SLX4IP: variants seen among roughly 807,000 people sequenced by gnomAD.
SLX4IP encodes protein SLX4IP.
SLX4IP carries 34 observed loss-of-function variants against 32.9 expected under a neutral mutation model. The ratio of observed to expected loss-of-function variants is 1.03; its 90% CI spans 0.79 to 1.38. SLX4IP has a LOEUF of 1.38. Ranked by LOEUF, SLX4IP falls within the 40% of genes most tolerant of loss-of-function variation. The pLI is 0.00. For missense variants in SLX4IP, 444 were observed against 479.0 expected, an observed-to-expected ratio of 0.93 and a Z score of 0.68; for synonymous variants, 172 against 171.7, an observed-to-expected ratio of 1.00 and a Z score of -0.01.
intron 1 of SLX4IP, among the ~76,000 whole-genome samples, chr20:10,444,979 A>G (rs2065189618): frequency 6.6e-6 from 1 of 152,176 alleles, no homozygotes; most frequent in African/African-American, 2.4e-5. Flanking sequence ...TCCATCCCAG[A>G]TAACAGGCTG....
intron 2 of SLX4IP, among the ~76,000 whole-genome samples, chr20:10,541,313 C>T (rs559356679): frequency 6.6e-6 from 1 of 152,286 alleles, no homozygotes; most frequent in Admixed American, 6.5e-5. Context: ...TTCTGGAATT[C>T]CCTGCAGGAT....
At chr20:10,488,903 C>T (rs1341550538) in intron 2 of SLX4IP, among the ~76,000 whole-genome samples, 1 of 152,138 alleles carries the variant, frequency 6.6e-6, no homozygotes, top group African/African-American at 2.4e-5. Context: ...CTAGTCTGTA[C>T]ATGATTATAA....
At chr20:10,613,719 A>G (rs977399710) in intron 6 of SLX4IP, 15 of 1,613,178 alleles carry the variant, frequency 9.3e-6, no homozygotes, top group African/African-American at 1.3e-5. Flanking sequence ...TCCGGCGTCA[A>G]TAGCTTGCTG....
intron 1 of SLX4IP, among the ~76,000 whole-genome samples, chr20:10,437,852 C>G (rs1029783755): frequency 6.6e-6 from 1 of 152,170 alleles, no homozygotes; most frequent in Non-Finnish European, 1.5e-5. Context: ...AGGAAATTAA[C>G]TCTAGAGCTA....
chr20:10,554,388 C>G (rs934793428), intron 2 of SLX4IP, among the ~76,000 whole-genome samples: 1 of 152,154 alleles, frequency 6.6e-6, no homozygotes, highest in African/African-American at 2.4e-5. Flanking sequence ...AATAAAACTT[C>G]CATGAATATT....
chr20:10,465,737 T>A (rs1476761125), intron 2 of SLX4IP, among the ~76,000 whole-genome samples: 2 of 152,238 alleles, frequency 1.3e-5, no homozygotes, highest in Non-Finnish European at 2.9e-5. Flanking sequence ...AACTCCTGAC[T>A]TTTAGTGATC....
chr20:10,495,253 T>G (rs556454816), intron 2 of SLX4IP, among the ~76,000 whole-genome samples: 3 of 152,298 alleles, frequency 2.0e-5, no homozygotes, highest in Admixed American at 1.3e-4. Context: ...CATTTTCTCC[T>G]TACTGTCTGA....
At chr20:10,613,379 A>C in intron 6 of SLX4IP, 1 of 1,418,788 alleles carries the variant, frequency 7.0e-7, no homozygotes, top group Non-Finnish European at 9.9e-7. Context: ...TCTTGCCTGC[A>C]CCTTGCTTAC....
At chr20:10,609,552 C>T (rs2066941954) in intron 6 of SLX4IP, among the ~76,000 whole-genome samples, 1 of 152,196 alleles carries the variant, frequency 6.6e-6, no homozygotes, top group Admixed American at 6.5e-5. Flanking sequence ...CTCTTAGACC[C>T]TTTTCCCATC....
chr20:10,523,062 A>T (rs2065912723), intron 2 of SLX4IP, among the ~76,000 whole-genome samples: 3 of 152,116 alleles, frequency 2.0e-5, no homozygotes, highest in Admixed American at 6.5e-5. Flanking sequence ...ACCTGCCTGC[A>T]TGCATATGTG....
intron 4 of SLX4IP, among the ~76,000 whole-genome samples, chr20:10,569,697 T>C (rs2066439839): frequency 6.6e-6 from 1 of 152,176 alleles, no homozygotes; most frequent in Non-Finnish European, 1.5e-5. Flanking sequence ...CTGTGTCTCC[T>C]CTTATCTAGA....
rs867125922 is a variant in SLX4IP at position 10,572,305 on chromosome 20, G to A, written c.238+11485G>A. 2.6e-5 allele frequency among the ~76,000 whole-genome samples: 4 copies of A among 152,302 alleles called. No homozygotes were observed. The Middle Eastern group carries it at 0.01, about 389-fold the overall frequency. On this transcript the variant is annotated intron_variant, in intron 4 of 7. Transcript: ENST00000334534. Reference sequence around the variant, plus strand: ...TCATTGCTTTGGTATCCCTATTAAGGAGAGTATTGTATGTTTATGTGGTTT... The same window carrying A: ...TCATTGCTTTGGTATCCCTATTAAGAAGAGTATTGTATGTTTATGTGGTTT...
At chr20:10,529,439 A>G (rs565517174) in intron 2 of SLX4IP, among the ~76,000 whole-genome samples, 1 of 151,960 alleles carries the variant, frequency 6.6e-6, no homozygotes, top group South Asian at 2.1e-4. Flanking sequence ...AAATACAAAA[A>G]AATTAGCTGG....
chr20:10,518,431 CCCTCCTT>C lies in SLX4IP; in HGVS notation c.28-37798_28-37792del, dbSNP rs1423965432. ...TCCTTCCTTCCTTCCTTCCCTCCCT[CCCTCCTT>C]CTTCCTTCCTTCCTTCCTTCCTTCC... On this transcript the variant is annotated intron_variant, in intron 2 of 7. Coordinates refer to ENST00000334534, the MANE Select transcript of SLX4IP (RefSeq NM_001009608.3). 7.4e-3 allele frequency among the ~76,000 whole-genome samples: 486 copies of C among 65,408 alleles called. 21 individuals carry two copies. The highest frequency in any genetic ancestry group is 0.017 in the Middle Eastern group (2 of 118). The allele number at this position is 65,408 out of a possible 152,430, so 42.9% of individuals were successfully genotyped here.
intron 4 of SLX4IP, among the ~76,000 whole-genome samples, chr20:10,569,141 G>A (rs1204655889): frequency 6.6e-6 from 1 of 151,680 alleles, no homozygotes; most frequent in African/African-American, 2.4e-5. Flanking sequence ...AGACTGGCCA[G>A]GTGGCAAGTC....
intron 4 of SLX4IP, among the ~76,000 whole-genome samples, chr20:10,586,141 CTT>C (rs1235407643): frequency 3.9e-5 from 6 of 152,308 alleles, no homozygotes; most frequent in Admixed American, 1.3e-4. Flanking sequence ...ATCTCTCTCT[CTT>C]GTTAGTCCTA....
At chr20:10,491,505 A>G (rs2065623563) in intron 2 of SLX4IP, among the ~76,000 whole-genome samples, 1 of 152,196 alleles carries the variant, frequency 6.6e-6, no homozygotes, top group Non-Finnish European at 1.5e-5. Flanking sequence ...TGCTGTCTGC[A>G]CAACTAGAGA....
intron 3 of SLX4IP, among the ~76,000 whole-genome samples, chr20:10,557,298 A>G (rs1315867080): frequency 1.3e-5 from 2 of 152,188 alleles, no homozygotes; most frequent in African/African-American, 2.4e-5. Context: ...ATTTTATAGG[A>G]TAATACATTT....
chr20:10,564,320 T>C (rs774303206), intron 4 of SLX4IP, among the ~76,000 whole-genome samples: 2 of 152,240 alleles, frequency 1.3e-5, no homozygotes, highest in Non-Finnish European at 2.9e-5. Context: ...CAAAAAGCCA[T>C]GCCTATTTCC....
Sources: gnomAD v4.1 joint callset for allele counts (sites outside exome capture counted in the v4.1 genomes callset) on GRCh38, gnomAD v4.1.1 for gene constraint, MANE v1.5 for transcripts, NCBI Gene and HGNC (gene_info 2026-07-23, HGNC 2026-07-21) for gene names.